The following PLA2G6 variants were observed in gnomAD, a reference collection of about 807,000 sequenced individuals.
PLA2G6 encodes the protein 85/88 kDa calcium-independent phospholipase A2.
Under a neutral mutation model 83.8 loss-of-function variants are expected in PLA2G6, and 62 were observed. That is an observed-to-expected ratio of 0.74 (90% CI 0.60 to 0.91). PLA2G6 has a LOEUF of 0.91. Among genes scored for constraint, PLA2G6 ranks in the 40% least tolerant of loss-of-function variants. The probability of loss-of-function intolerance (pLI) is 0.00; values close to 1 mark genes in which losing one functional copy is unlikely to be tolerated. For synonymous variants in PLA2G6, 417 were observed against 449.8 expected, an observed-to-expected ratio of 0.93 and a Z score of 0.92; for missense variants, 944 against 1,102.0, an observed-to-expected ratio of 0.86 and a Z score of 2.03.
intron 1 of PLA2G6, among the ~76,000 whole-genome samples, chr22:38,170,620 A>G (rs1300805556): frequency 6.6e-6 from 1 of 152,162 alleles, no homozygotes; most frequent in Non-Finnish European, 1.5e-5. Context: ...TGCCTTCCTA[A>G]GGTACTGTCA....
In PLA2G6 at chr22:38,126,598, G is replaced by A. The variant is rs1050025827; in HGVS notation, c.1349-149C>T. The A allele has an allele frequency of 2.1e-5, 14 of 678,080 alleles. No individual in the cohort carries two copies. The African/African-American group carries it at 2.3e-4, about 11-fold the overall frequency. The allele number at this position is 678,080 out of a possible 1,614,324, so 42.0% of individuals were successfully genotyped here. On this transcript the variant is annotated intron_variant, in intron 9 of 16. Coordinates refer to ENST00000332509, the MANE Select transcript of PLA2G6 (RefSeq NM_003560.4). ...CCCTGTCATCTGTCCCTTCCCCACAGGAAGGACTCTGTCCCAGGAGAAAGC... is the reference window on the plus strand; with the variant it reads ...CCCTGTCATCTGTCCCTTCCCCACAAGAAGGACTCTGTCCCAGGAGAAAGC...
rs566288158 is a variant in PLA2G6 at position 38,161,794 on chromosome 22, C to T, written c.209+7424G>A. Among the ~76,000 whole-genome samples the T allele has an allele frequency of 3.3e-5, 5 of 152,080 alleles. No individual in the cohort carries two copies. The South Asian group carries it at 8.3e-4, about 25-fold the overall frequency. On this transcript the variant is annotated intron_variant, in intron 2 of 16. Coordinates refer to ENST00000332509, the MANE Select transcript of PLA2G6 (RefSeq NM_003560.4). ...GAGAGTAAGCGTGGAGGGGAAGGGG[C>T]TGCAGGCTGAGGGGAGGGAAGGAGG...
chr22:38,144,866 ATAAAATAAAG>A (rs2089152823), intron 3 of PLA2G6: 3 of 150,110 alleles, frequency 2.0e-5, no homozygotes, highest in Non-Finnish European at 2.7e-5. Flanking sequence ...ATAAAATAAA[ATAAAATAAAG>A]TAAAATAAAA....
At chr22:38,157,866 C>T (rs1410329042) in intron 2 of PLA2G6, among the ~76,000 whole-genome samples, 1 of 151,994 alleles carries the variant, frequency 6.6e-6, no homozygotes, top group Non-Finnish European at 1.5e-5. Flanking sequence ...GAAACCCCGT[C>T]TCTACTAAAA....
In PLA2G6 at chr22:38,145,364, G is replaced by A. The variant is rs113242612; in HGVS notation, c.425+74C>T. The A allele has an allele frequency of 3.6e-4, 456 of 1,260,632 alleles. 1 individual carries two copies. In the African/African-American group the frequency reaches 5.6e-3, roughly 16 times the overall value. 78.1% of individuals were successfully genotyped at this position (1,260,632 alleles called of 1,614,324 possible). A position where few individuals can be genotyped will look rare whatever the true frequency, so the allele number is the denominator to read the frequency against. Reference sequence around the variant, plus strand: ...TTAAGTCAAACTATGGAGGGGAACCGAGGCCTGCGGCCCCCACTGCCCACA... The same window carrying A: ...TTAAGTCAAACTATGGAGGGGAACCAAGGCCTGCGGCCCCCACTGCCCACA... On this transcript the variant is annotated intron_variant, in intron 3 of 16. Transcript: ENST00000332509.
intron 2 of PLA2G6, among the ~76,000 whole-genome samples, chr22:38,168,661 C>A (rs1022019025): frequency 6.6e-6 from 1 of 152,150 alleles, no homozygotes; most frequent in Admixed American, 6.5e-5. Flanking sequence ...ACCAGCCTGG[C>A]CAATATGATG....
At chr22:38,150,986 T>C (rs5756933) in intron 2 of PLA2G6, among the ~76,000 whole-genome samples, 54,465 of 151,820 alleles carry the variant, frequency 0.36, 9,960 homozygotes, top group South Asian at 0.48. Flanking sequence ...ACTCAGGAGG[T>C]TGAGGGAGGA....
At chr22:38,127,607 T>G (rs2087943684) in intron 9 of PLA2G6, 1 of 475,428 alleles carries the variant, frequency 2.1e-6, no homozygotes. Flanking sequence ...TGCTGCCGCC[T>G]CCACAGTGAA....
At chr22:38,122,729 A>T (rs2087592935) in intron 11 of PLA2G6, among the ~76,000 whole-genome samples, 2 of 152,148 alleles carry the variant, frequency 1.3e-5, no homozygotes, top group Non-Finnish European at 2.9e-5. Context: ...TGCTGCGTGC[A>T]CCCTGGGAAT....
intron 14 of PLA2G6, 135 bp from the exon 15 acceptor site, chr22:38,113,789 G>A (rs1440836838): frequency 2.5e-6 from 2 of 800,302 alleles, no homozygotes; most frequent in Admixed American, 1.9e-5. Context: ...GGTGGCAAGA[G>A]CATGCCTGGC....
chr22:38,169,125 C>A, intron 2 of PLA2G6, 93 bp downstream of exon 2: 1 of 990,116 alleles, frequency 1.0e-6, no homozygotes, highest in Non-Finnish European at 1.6e-6. Flanking sequence ...CAGACAGAGA[C>A]TCAAAGAAAC....
chr22:38,151,372 G>A (rs2089551930), intron 2 of PLA2G6, among the ~76,000 whole-genome samples: 1 of 151,756 alleles, frequency 6.6e-6, no homozygotes, highest in Non-Finnish European at 1.5e-5. Context: ...TCAGCCTCCC[G>A]AGTAGCAGGG....
rs1023446141 is a variant in PLA2G6, at chr22:38,132,176, G to A, written c.1077+655C>T. The A allele has an allele frequency of 1.3e-5, 6 of 450,006 alleles. No individual in the cohort carries two copies. Among genetic ancestry groups the A allele is most frequent in the African/African-American group, 1.2e-4 (6 of 49,808 alleles). 27.9% of individuals were successfully genotyped at this position (450,006 alleles called of 1,614,324 possible). On this transcript the variant is annotated intron_variant, in intron 7 of 16. Coordinates refer to ENST00000332509, the MANE Select transcript of PLA2G6 (RefSeq NM_003560.4). This position sits in a 1 kb window ranked among gnomAD's most constrained non-coding sequence, Gnocchi z 5.0. ...ACACAGTAACGTCCTCCTCTGCTAG[G>A]TTTAATATGTTCATACTCTAGATGT...
chr22:38,160,697 T>C (rs2089974571), intron 2 of PLA2G6, among the ~76,000 whole-genome samples: 1 of 152,100 alleles, frequency 6.6e-6, no homozygotes, highest in Admixed American at 6.5e-5. Flanking sequence ...TACAAAAAAT[T>C]AGCCGGGCGT....
chr22:38,139,664 A>T (rs2088776355), intron 5 of PLA2G6: 1 of 268,864 alleles, frequency 3.7e-6, no homozygotes, highest in Non-Finnish European at 7.4e-6. Context: ...CGAACTCCCG[A>T]CCTCAGGTGA....
chr22:38,112,887 T>G, intron 15 of PLA2G6: 1 of 473,168 alleles, frequency 2.1e-6, no homozygotes. Context: ...CCTCCCTCCC[T>G]CCTCTCTCTC....
intron 2 of PLA2G6, among the ~76,000 whole-genome samples, chr22:38,156,419 G>A (rs2089780906): frequency 6.6e-6 from 1 of 151,894 alleles, no homozygotes; most frequent in Non-Finnish European, 1.5e-5. Context: ...TAGACCATAT[G>A]GTAGGCCACA....
chr22:38,162,346 C>A (rs184915942), intron 2 of PLA2G6, among the ~76,000 whole-genome samples: 2 of 151,238 alleles, frequency 1.3e-5, no homozygotes, highest in African/African-American at 4.9e-5. Flanking sequence ...GAGAGAGAAG[C>A]AAGGAGGCAG....
intron 12 of PLA2G6, among the ~76,000 whole-genome samples, chr22:38,120,184 A>T (rs1227401286): frequency 6.6e-6 from 1 of 152,228 alleles, no homozygotes; most frequent in East Asian, 1.9e-4. Flanking sequence ...TTCCCAAACA[A>T]ATGTTTCCTG....
Sources: allele counts gnomAD v4.1 joint callset (sites outside exome capture counted in the v4.1 genomes callset), GRCh38; gene constraint gnomAD v4.1.1; non-coding constraint Gnocchi (gnomAD v3.1); transcripts MANE v1.5; gene names NCBI Gene and HGNC (gene_info 2026-07-23, HGNC 2026-07-21).